The following SMCO4 variants were observed in gnomAD, a reference collection of about 807,000 sequenced individuals.
SMCO4 encodes the protein single-pass membrane protein with coiled-coil domains 4, also known as single-pass membrane and coiled-coil domain-containing protein 4.
Under a neutral mutation model 3.6 loss-of-function variants are expected in SMCO4, and 4 were observed. The ratio of observed to expected loss-of-function variants is 1.11; its 90% confidence interval spans 0.54 to 2.53. The LOEUF (loss-of-function observed/expected upper bound fraction) is 2.53, where lower values mean the gene tolerates loss of function less well. Among genes scored for constraint, SMCO4 ranks in the 30% most tolerant of loss-of-function variants. The pLI is 0.02. For synonymous variants in SMCO4, 36 were observed against 35.3 expected, an observed-to-expected ratio of 1.02 and a Z score of -0.07; for missense variants, 70 against 80.8, an observed-to-expected ratio of 0.87 and a Z score of 0.51.
intron 2 of SMCO4, 153 bp from the exon 3 acceptor site, chr11:93,479,422 G>A (rs1041616852): frequency 4.2e-6 from 3 of 707,670 alleles, no homozygotes; most frequent in Non-Finnish European, 6.3e-6. Flanking sequence ...GTTCTCTTGG[G>A]ATCAGCGCTC....
intron 2 of SMCO4, among the ~76,000 whole-genome samples, chr11:93,483,279 C>T (rs1033533253): frequency 2.0e-5 from 3 of 152,156 alleles, no homozygotes; most frequent in Non-Finnish European, 2.9e-5. Flanking sequence ...TGTCCATGCC[C>T]GCCTCCCTCT....
Position 93,505,258 on chromosome 11 carries a change from T to C in SMCO4, c.-153-5910A>G, listed in dbSNP as rs1166435121. On this transcript the variant is annotated intron_variant, in intron 1 of 2. Transcript: ENST00000298966. ...AAAAAACAAATGATTTAGCACTGTC[T>C]ACTTTCCTACACACCATTCACATAA... 3.3e-5 allele frequency among the ~76,000 whole-genome samples: 5 copies of C among 152,224 alleles called. No individual in the cohort carries two copies. In the South Asian group the frequency reaches 1.0e-3, roughly 32 times the overall value.
chr11:93,516,660 C>T (rs973774736), intron 1 of SMCO4, among the ~76,000 whole-genome samples: 8 of 151,862 alleles, frequency 5.3e-5, no homozygotes, highest in East Asian at 1.9e-4. Flanking sequence ...TGTGGTGGTG[C>T]GTGCCTGTAG....
At chr11:93,515,145 C>G (rs1369539881) in intron 1 of SMCO4, among the ~76,000 whole-genome samples, 1 of 152,218 alleles carries the variant, frequency 6.6e-6, no homozygotes, top group South Asian at 2.1e-4. Flanking sequence ...TTTGGAAAGG[C>G]CATAATTTAT....
At chr11:93,489,527 C>G (rs1948690139) in intron 2 of SMCO4, among the ~76,000 whole-genome samples, 2 of 152,152 alleles carry the variant, frequency 1.3e-5, no homozygotes, top group African/African-American at 4.8e-5. Flanking sequence ...GGAGGCCACA[C>G]AGCTTGAAGC....
chr11:93,490,171 CA>C (rs1303124734), intron 2 of SMCO4, among the ~76,000 whole-genome samples: 2 of 152,238 alleles, frequency 1.3e-5, no homozygotes, highest in African/African-American at 4.8e-5. Flanking sequence ...AAGGAGGAAG[CA>C]GAGCTTTTGA....
rs11020409 is a variant in SMCO4 at position 93,540,988 on chromosome 11, A to G, written c.-154+2288T>C. On this transcript the variant is annotated intron_variant, in intron 1 of 2. Coordinates refer to ENST00000298966, the MANE Select transcript of SMCO4 (RefSeq NM_020179.3). ...GAACCACTAACTGCAGCTTCCAAAA[A>G]GCTGACAAAAAAGGATTACTGAAAA... Among the ~76,000 whole-genome samples, 2,692 of 152,342 alleles carry G rather than the reference A, an allele frequency of 0.018. 185 individuals carry two copies. In the East Asian group the frequency reaches 0.22, roughly 12 times the overall value.
At chr11:93,493,199 T>C (rs1444303339) in intron 2 of SMCO4, among the ~76,000 whole-genome samples, 1 of 152,224 alleles carries the variant, frequency 6.6e-6, no homozygotes, top group Non-Finnish European at 1.5e-5. Context: ...TTTATTGATC[T>C]TGCCACTGGT....
At chr11:93,552,487 T>A in the SMCO4 span, among the ~76,000 whole-genome samples, 2 of 78,866 alleles carry the variant, frequency 2.5e-5, no homozygotes, top group African/African-American at 7.8e-5. Context: ...TATTATTATT[T>A]TTGAGACAGA....
upstream of SMCO4, among the ~76,000 whole-genome samples, chr11:93,544,671 G>C (rs1168676751): frequency 6.6e-6 from 1 of 151,592 alleles, no homozygotes; most frequent in Non-Finnish European, 1.5e-5. Flanking sequence ...TGTCCTTCCT[G>C]CTGCGTACAA....
At chr11:93,513,871 G>A (rs1214681776) in intron 1 of SMCO4, among the ~76,000 whole-genome samples, 1 of 152,204 alleles carries the variant, frequency 6.6e-6, no homozygotes, top group Non-Finnish European at 1.5e-5. Context: ...GACTGAGGGA[G>A]GACTCTGGGA....
chr11:93,545,807 G>A (rs900229629), upstream of SMCO4, among the ~76,000 whole-genome samples: 2 of 152,150 alleles, frequency 1.3e-5, no homozygotes, highest in African/African-American at 4.8e-5. Flanking sequence ...TTTAGCTACT[G>A]GGACATGAAC....
At chr11:93,540,796 A>T (rs34908635) in intron 1 of SMCO4, among the ~76,000 whole-genome samples, 1 of 152,246 alleles carries the variant, frequency 6.6e-6, no homozygotes, top group South Asian at 2.1e-4. Context: ...TTATACACAC[A>T]CAAACACTAG....
chr11:93,505,502 G>A (rs560968082), intron 1 of SMCO4, among the ~76,000 whole-genome samples: 2 of 152,184 alleles, frequency 1.3e-5, no homozygotes, highest in African/African-American at 4.8e-5. Flanking sequence ...TTCCTCATCT[G>A]TAAAAATGAA....
intron 1 of SMCO4, among the ~76,000 whole-genome samples, chr11:93,536,355 T>C (rs1949224945): frequency 1.3e-5 from 2 of 152,164 alleles, no homozygotes; most frequent in African/African-American, 4.8e-5. Context: ...TATGTATGAA[T>C]GAAGATATAA....
At chr11:93,487,736 T>C (rs190662743) in intron 2 of SMCO4, among the ~76,000 whole-genome samples, 1 of 152,348 alleles carries the variant, frequency 6.6e-6, no homozygotes, top group East Asian at 1.9e-4. Context: ...AACTGTGTTA[T>C]GTATTATTGT....
upstream of SMCO4, chr11:93,543,615 G>C (rs1455980012): frequency 6.6e-6 from 1 of 152,232 alleles, no homozygotes; most frequent in Non-Finnish European, 1.5e-5. Flanking sequence ...GGCTCAGCGC[G>C]CTTCCTCCGG....
chr11:93,512,459 C>G (rs1396784674), intron 1 of SMCO4, among the ~76,000 whole-genome samples: 1 of 152,238 alleles, frequency 6.6e-6, no homozygotes, highest in Non-Finnish European at 1.5e-5. Flanking sequence ...GCCACTGACT[C>G]ACCCAAAGCA....
At chr11:93,539,217 C>T (rs1949252973) in intron 1 of SMCO4, among the ~76,000 whole-genome samples, 1 of 152,052 alleles carries the variant, frequency 6.6e-6, no homozygotes, top group Non-Finnish European at 1.5e-5. Context: ...TCTCTCTTTC[C>T]CATCTTGCTA....
Sources: allele counts gnomAD v4.1 joint callset (sites outside exome capture counted in the v4.1 genomes callset), GRCh38; gene constraint gnomAD v4.1.1; transcripts MANE v1.5; gene names NCBI Gene and HGNC (gene_info 2026-07-23, HGNC 2026-07-21).